CERS6: variants seen among roughly 807,000 people sequenced by gnomAD.
CERS6 encodes the protein LAG1 homolog, ceramide synthase 6.
A neutral mutation model predicts 56.8 loss-of-function variants in CERS6; 26 were observed. That is an observed-to-expected ratio of 0.46 (90% CI 0.34 to 0.63). The LOEUF (loss-of-function observed/expected upper bound fraction) is 0.63. CERS6 is among the 30% of genes least tolerant of loss of function. The pLI is 0.01. For missense variants in CERS6, 415 were observed against 467.5 expected (o/e 0.89, Z 1.04); for synonymous variants, 164 against 173.3 (o/e 0.95, Z 0.42).
chr2:168,529,917 G>A (rs937855085), intron 1 of CERS6, among the ~76,000 whole-genome samples: 1 of 151,884 alleles, frequency 6.6e-6, no homozygotes, highest in African/African-American at 2.4e-5. Context: ...TAGCTTCAGG[G>A]GCAATTTGGG....
intron 2 of CERS6, among the ~76,000 whole-genome samples, chr2:168,548,692 A>G (rs1049603655): frequency 1.3e-5 from 2 of 152,210 alleles, no homozygotes; most frequent in Non-Finnish European, 2.9e-5. Context: ...TGTACTAGCT[A>G]TCTCGTCTTA....
intron 3 of CERS6, among the ~76,000 whole-genome samples, chr2:168,617,574 C>T (rs770122113): frequency 2.4e-4 from 37 of 151,962 alleles, no homozygotes; most frequent in Non-Finnish European, 4.3e-4. Flanking sequence ...TACAGAAATA[C>T]AAAAGATCAT....
chr2:168,506,258 T>G (rs1344446084), intron 1 of CERS6, among the ~76,000 whole-genome samples: 1 of 152,136 alleles, frequency 6.6e-6, no homozygotes, highest in Non-Finnish European at 1.5e-5. Flanking sequence ...TTTTTTCAAA[T>G]CAATTGAGAA....
At chr2:168,718,759 T>C (rs944663716) in intron 8 of CERS6, among the ~76,000 whole-genome samples, 14 of 152,362 alleles carry the variant, frequency 9.2e-5, no homozygotes, top group South Asian at 2.1e-4. Context: ...TTCTACTCAT[T>C]ACTAAGCCTT....
chr2:168,717,902 C>A lies in CERS6; in HGVS notation c.769C>A (p.Gln257Lys). ...CAAAATGGCAAATTATGCCAAGTTT[C>A]AGAAAATGTGTGATCTCCTGTTTGT... The part of the protein sequence containing the change: ...AAKMANYAKF[Q>K]KMCDLLFVMF... Residue 257 changes from glutamine (Q) to lysine (K), a missense_variant, in exon 8 of 10, where the codon CAG becomes AAG. By Grantham distance (53) the Gln-to-Lys change is moderately conservative. Coordinates refer to ENST00000305747, the MANE Select transcript of CERS6 (RefSeq NM_203463.3). The A allele has an allele frequency of 6.2e-7, 1 of 1,613,692 alleles. No homozygotes were observed. The highest frequency in any genetic ancestry group is 8.5e-7 in the Non-Finnish European group (1 of 1,179,736).
intron 4 of CERS6, among the ~76,000 whole-genome samples, chr2:168,654,745 T>G (rs1298055884): frequency 6.6e-6 from 1 of 152,110 alleles, no homozygotes; most frequent in Non-Finnish European, 1.5e-5. Context: ...ACTATTCGAG[T>G]CCTATTACTT....
chr2:168,551,383 T>C (rs990359910), intron 2 of CERS6, among the ~76,000 whole-genome samples: 3 of 152,210 alleles, frequency 2.0e-5, no homozygotes, highest in Non-Finnish European at 2.9e-5. Context: ...GTCTTGGTGT[T>C]TGAGCCAGTT....
chr2:168,628,222 C>A (rs1421372119), intron 3 of CERS6, among the ~76,000 whole-genome samples: 4 of 152,164 alleles, frequency 2.6e-5, no homozygotes, highest in Non-Finnish European at 5.9e-5. Flanking sequence ...TAGACCCATG[C>A]TGCCACTGAG....
Position 168,562,025 on chromosome 2 carries a change from G to A in CERS6, c.407+703G>A, listed in dbSNP as rs563727554. 3.3e-5 allele frequency among the ~76,000 whole-genome samples: 5 copies of A among 152,264 alleles called. No homozygotes were observed. The South Asian group carries it at 1.0e-3, about 32-fold the overall frequency. ...AACATCCCCAAGAAAGGGAAGACGT[G>A]CCTGGAGAGTCATTACCCTATGTGG... On this transcript the variant is annotated intron_variant, in intron 3 of 9. Coordinates refer to ENST00000305747, the MANE Select transcript of CERS6 (RefSeq NM_203463.3).
chr2:168,719,948 T>C (rs1262211367), intron 8 of CERS6, among the ~76,000 whole-genome samples: 1 of 152,128 alleles, frequency 6.6e-6, no homozygotes, highest in East Asian at 1.9e-4. Flanking sequence ...GTATTTTTTT[T>C]TTTTTAAGAC....
At chr2:168,731,018 A>G (rs1683517464) in intron 8 of CERS6, among the ~76,000 whole-genome samples, 5 of 152,200 alleles carry the variant, frequency 3.3e-5, no homozygotes. Context: ...AGACTGAAAC[A>G]ATTCCAAATG....
chr2:168,561,235 A>C lies in CERS6; in HGVS notation c.320A>C (p.Asp107Ala). The C allele has an allele frequency of 6.2e-7, 1 of 1,614,090 alleles. No individual in the cohort carries two copies. Among genetic ancestry groups the C allele is most frequent in the South Asian group, 1.1e-5 (1 of 91,082 alleles). The change falls in exon 3 of 10, where the codon GAC (aspartate) becomes GCC (alanine). Residue 107 changes from aspartate (D) to alanine (A), a missense_variant. Transcript: ENST00000305747. ...KRLEGLSKQLDWDVRSIQRWF... is the reference protein window; with the variant it reads ...KRLEGLSKQLAWDVRSIQRWF... ...TTGGAAGGCCTCTCCAAGCAACTGG[A>C]CTGGGATGTTCGAAGCATTCAGCGC...
At chr2:168,597,868 C>T (rs1176618196) in intron 3 of CERS6, among the ~76,000 whole-genome samples, 1 of 152,198 alleles carries the variant, frequency 6.6e-6, no homozygotes, top group Admixed American at 6.5e-5. Context: ...AGTGCCTTCT[C>T]TTCCCTCCCG....
At chr2:168,672,485 A>G (rs1312553971) in intron 4 of CERS6, among the ~76,000 whole-genome samples, 1 of 152,224 alleles carries the variant, frequency 6.6e-6, no homozygotes, top group Non-Finnish European at 1.5e-5. Context: ...AAAGCGTTCC[A>G]AAAATACAAC....
At position 168,724,124 on chromosome 2, in the gene CERS6, T is replaced by C. The variant is rs995478468; in HGVS notation, c.845+6146T>C. 3.3e-5 allele frequency among the ~76,000 whole-genome samples: 5 copies of C among 152,052 alleles called. 1 individual carries two copies. The South Asian group carries it at 6.2e-4, about 19-fold the overall frequency. On this transcript the variant is annotated intron_variant, in intron 8 of 9. Transcript: ENST00000305747. ...TCTGGAGTCTGTCCCTTCTGATGTTTGGATGTGTTCGGAGTTTCTTCCTTC... is the reference window on the plus strand; with the variant it reads ...TCTGGAGTCTGTCCCTTCTGATGTTCGGATGTGTTCGGAGTTTCTTCCTTC...
chr2:168,571,310 G>A (rs1695982281), intron 3 of CERS6, among the ~76,000 whole-genome samples: 1 of 151,852 alleles, frequency 6.6e-6, no homozygotes, highest in Non-Finnish European at 1.5e-5. Flanking sequence ...TTAGCTCATG[G>A]TAACCACATC....
chr2:168,516,430 G>T (rs1574036674), intron 1 of CERS6, among the ~76,000 whole-genome samples: 1 of 152,064 alleles, frequency 6.6e-6, no homozygotes, highest in Non-Finnish European at 1.5e-5. Flanking sequence ...GCAATTTTTT[G>T]AGTGTATAGC....
chr2:168,577,616 C>T (rs1245153024), intron 3 of CERS6, among the ~76,000 whole-genome samples: 1 of 152,042 alleles, frequency 6.6e-6, no homozygotes, highest in African/African-American at 2.4e-5. Context: ...AGGCAGGAGG[C>T]GCTGGGGTGT....
intron 4 of CERS6, among the ~76,000 whole-genome samples, chr2:168,682,568 A>G (rs1043870570): frequency 2.0e-5 from 3 of 152,216 alleles, no homozygotes; most frequent in African/African-American, 7.2e-5. Flanking sequence ...AGTATGCCAC[A>G]TGACATACAA....
Sources: gnomAD v4.1 joint callset for allele counts (sites outside exome capture counted in the v4.1 genomes callset) on GRCh38, gnomAD v4.1.1 for gene constraint, MANE v1.5 for transcripts, NCBI Gene and HGNC (gene_info 2026-07-23, HGNC 2026-07-21) for gene names.